FMN1: variants seen among roughly 807,000 people sequenced by gnomAD.
FMN1 encodes formin 1, also known as formin-1.
A neutral mutation model predicts 132.4 loss-of-function variants in FMN1; 110 were observed. The observed-to-expected ratio is 0.83, with a 90% CI of 0.71 to 0.97. FMN1 has a LOEUF of 0.97. FMN1 is among the 50% of genes least tolerant of loss of function. The pLI is 0.00. For synonymous variants in FMN1, 722 were observed against 651.7 expected (o/e 1.11, Z -1.64); for missense variants, 1,792 against 1,705.3 (o/e 1.05, Z -0.90).
rs200277272 is a variant in FMN1 at position 32,823,168 on chromosome 15, T to G, written c.3929-18836A>C. Among the ~76,000 whole-genome samples the G allele has an allele frequency of 8.4e-4, 83 of 99,202 alleles. 1 individual carries two copies. The highest frequency in any genetic ancestry group is 1.4e-3 in the Non-Finnish European group (63 of 44,488). 65.1% of individuals were successfully genotyped at this position (99,202 alleles called of 152,430 possible). ...GTTTCTACTGTTTTTTTTTTTTTTT[T>G]TTTTTTTTTTTGAGACAGAGTCTTG... On this transcript the variant is annotated intron_variant, in intron 17 of 20. Transcript: ENST00000616417.
chr15:32,861,282 C>T (rs1404470350), intron 16 of FMN1, among the ~76,000 whole-genome samples: 1 of 152,204 alleles, frequency 6.6e-6, no homozygotes, highest in Non-Finnish European at 1.5e-5. Flanking sequence ...GAGCTTGTTT[C>T]CCCAATTACA....
chr15:33,178,766 C>A (rs1965600373), intron 3 of FMN1, among the ~76,000 whole-genome samples: 1 of 152,140 alleles, frequency 6.6e-6, no homozygotes. Context: ...TAAGTAATTG[C>A]TACTATTATG....
intron 9 of FMN1, among the ~76,000 whole-genome samples, chr15:32,959,385 A>G (rs2030239305): frequency 6.6e-6 from 1 of 152,226 alleles, no homozygotes; most frequent in African/African-American, 2.4e-5. Context: ...GGCCACAGGC[A>G]TGGAGCAAAG....
At chr15:33,166,120 C>T (rs966073021) in intron 3 of FMN1, among the ~76,000 whole-genome samples, 1 of 152,130 alleles carries the variant, frequency 6.6e-6, no homozygotes. Flanking sequence ...AGCCAAACCA[C>T]CATCATGTGA....
At chr15:33,059,930 C>T (rs1442971898) in intron 6 of FMN1, among the ~76,000 whole-genome samples, 1 of 152,226 alleles carries the variant, frequency 6.6e-6, no homozygotes, top group Non-Finnish European at 1.5e-5. Flanking sequence ...AAAAGCCAAG[C>T]TTTAGTTCCC....
At chr15:33,128,762 A>G (rs1354136852) in intron 4 of FMN1, among the ~76,000 whole-genome samples, 2 of 152,230 alleles carry the variant, frequency 1.3e-5, no homozygotes, top group Non-Finnish European at 2.9e-5. Context: ...AAAGCCCTTA[A>G]AAGTGGTATG....
intron 18 of FMN1, among the ~76,000 whole-genome samples, chr15:32,803,663 C>T (rs1481190211): frequency 6.6e-6 from 1 of 152,178 alleles, no homozygotes; most frequent in Non-Finnish European, 1.5e-5. Flanking sequence ...ATAATATCCT[C>T]CTCTAGAAGC....
intron 12 of FMN1, 51 bp from the exon 13 acceptor site, chr15:32,902,091 A>G: frequency 6.5e-7 from 1 of 1,529,630 alleles, no homozygotes; most frequent in Non-Finnish European, 8.9e-7. Context: ...CACAAGGAAA[A>G]TAAAAAGACA....
At chr15:32,919,801 T>C (rs1029801538) in intron 10 of FMN1, among the ~76,000 whole-genome samples, 1 of 152,186 alleles carries the variant, frequency 6.6e-6, no homozygotes, top group African/African-American at 2.4e-5. Context: ...TCAAATTCAT[T>C]ACGTTTTAGA....
chr15:33,117,291 T>C (rs1463802845), intron 4 of FMN1, among the ~76,000 whole-genome samples: 1 of 152,178 alleles, frequency 6.6e-6, no homozygotes, highest in Non-Finnish European at 1.5e-5. Context: ...GTATTTGTAA[T>C]GTCCTGCCAT....
At chr15:33,127,608 A>G (rs867741150) in intron 4 of FMN1, among the ~76,000 whole-genome samples, 1 of 150,784 alleles carries the variant, frequency 6.6e-6, no homozygotes. Context: ...CAACCAAGAC[A>G]GAAGTTAAAA....
chr15:33,007,940 A>AT, intron 7 of FMN1, 74 bp downstream of exon 7: 2 of 1,275,098 alleles, frequency 1.6e-6, no homozygotes, highest in Non-Finnish European at 2.2e-6. Flanking sequence ...CTTAAGAGGA[A>AT]TATTTACTTC....
At position 32,776,748 on chromosome 15, in the gene FMN1, T is replaced by C. The variant is rs1242158369; in HGVS notation, c.4215+87A>G. The C allele has an allele frequency of 1.9e-5, 14 of 718,930 alleles. No homozygotes were observed. In the Admixed American group the frequency reaches 2.7e-4, roughly 14 times the overall value. 44.5% of individuals were successfully genotyped at this position (718,930 alleles called of 1,614,324 possible). On this transcript the variant is annotated intron_variant, in intron 20 of 20. Coordinates refer to ENST00000616417, the MANE Select transcript of FMN1 (RefSeq NM_001277313.2). Reference sequence around the variant, plus strand: ...GGATGGGAACTGAGAATCTGGATACTATGTTTCATCTCTGAGCTTTAGCCC... The same window carrying C: ...GGATGGGAACTGAGAATCTGGATACCATGTTTCATCTCTGAGCTTTAGCCC...
chr15:32,954,803 G>C (rs970336348), intron 9 of FMN1, among the ~76,000 whole-genome samples: 2 of 152,040 alleles, frequency 1.3e-5, no homozygotes, highest in East Asian at 1.9e-4. Context: ...GTCAGTAGTT[G>C]GAGACTAGCC....
intron 5 of FMN1, among the ~76,000 whole-genome samples, chr15:33,075,363 G>A (rs115350890): frequency 0.019 from 2,859 of 152,190 alleles, 91 homozygotes; most frequent in African/African-American, 0.066. Context: ...GCCCAAGCAG[G>A]AAGTTTTCTT....
chr15:33,093,234 G>A (rs1169380512), intron 4 of FMN1, among the ~76,000 whole-genome samples: 1 of 152,186 alleles, frequency 6.6e-6, no homozygotes, highest in Non-Finnish European at 1.5e-5. Flanking sequence ...ACTCTCCTCA[G>A]TTTTAGCTCC....
intron 10 of FMN1, among the ~76,000 whole-genome samples, chr15:32,916,237 G>C (rs1567385741): frequency 6.6e-6 from 1 of 152,174 alleles, no homozygotes; most frequent in Non-Finnish European, 1.5e-5. Context: ...GTAAGAGATG[G>C]CTTTTCACAA....
intron 3 of FMN1, among the ~76,000 whole-genome samples, chr15:33,170,573 G>C (rs558915875): frequency 2.0e-5 from 3 of 146,968 alleles, no homozygotes; most frequent in African/African-American, 5.1e-5. Context: ...AAAAAAACCC[G>C]TTGAAAAATG....
intron 5 of FMN1, among the ~76,000 whole-genome samples, chr15:33,087,151 A>G (rs2038727377): frequency 1.3e-5 from 2 of 152,242 alleles, no homozygotes; most frequent in African/African-American, 2.4e-5. Flanking sequence ...AATCTGGTCA[A>G]TCCTACCAGG....
Sources: allele counts gnomAD v4.1 joint callset (sites outside exome capture counted in the v4.1 genomes callset), GRCh38; gene constraint gnomAD v4.1.1; transcripts MANE v1.5; gene names NCBI Gene and HGNC (gene_info 2026-07-23, HGNC 2026-07-21).